Variants in GPBP1 observed in about 807,000 individuals in gnomAD.
GPBP1 encodes the protein vasculin.
GPBP1 carries 13 observed loss-of-function variants against 56.5 expected under a neutral mutation model. The observed-to-expected ratio is 0.23, with a 90% confidence interval of 0.15 to 0.37. GPBP1 has a LOEUF of 0.37. GPBP1 is among the 10% of genes least tolerant of loss of function. The pLI, the probability that GPBP1 is intolerant of heterozygous loss-of-function variation, is 1.00. For synonymous variants in GPBP1, 204 were observed against 188.9 expected (o/e 1.08, Z -0.66); for missense variants, 477 against 572.3 (o/e 0.83, Z 1.70).
At position 57,175,618 on chromosome 5, in the gene GPBP1, C is replaced by G; in HGVS notation, c.-840C>G. The G allele has an allele frequency of 2.5e-6, 1 of 396,948 alleles. No individual in the cohort carries two copies. 24.6% of individuals were successfully genotyped at this position (396,948 alleles called of 1,614,324 possible). A position where few individuals can be genotyped will look rare whatever the true frequency, so the allele number is the denominator to read the frequency against. The stretch of plus-strand genomic sequence containing the variant: ...AGTGAATTGATAGTAGTGAACAATT[C>G]AGCAAGCTACTTAAAAAGAGACCCA... On this transcript the variant is annotated 5_prime_UTR_variant, in exon 2 of 12. Transcript: ENST00000506184.
At chr5:57,198,696 A>G (rs1485312262) in intron 2 of GPBP1, among the ~76,000 whole-genome samples, 1 of 152,126 alleles carries the variant, frequency 6.6e-6, no homozygotes, top group African/African-American at 2.4e-5. Context: ...TAAAAATACA[A>G]ACATTAGCCG....
intron 2 of GPBP1, among the ~76,000 whole-genome samples, chr5:57,200,768 G>C (rs1028923259): frequency 1.3e-5 from 2 of 151,986 alleles, no homozygotes; most frequent in Non-Finnish European, 2.9e-5. Flanking sequence ...TGCAAGCTTC[G>C]CCTCCCGGGT....
intron 6 of GPBP1, among the ~76,000 whole-genome samples, chr5:57,241,580 G>GT (rs1740829054): frequency 6.6e-6 from 1 of 152,078 alleles, no homozygotes; most frequent in African/African-American, 2.4e-5. Flanking sequence ...AAATAAAAAG[G>GT]TCAGTTATTG....
intron 2 of GPBP1, among the ~76,000 whole-genome samples, chr5:57,185,968 C>G (rs1260638487): frequency 1.3e-5 from 2 of 150,862 alleles, no homozygotes; most frequent in African/African-American, 4.9e-5. Context: ...AAAAAAAAGG[C>G]AAAAAAATTG....
chr5:57,236,824 C>G (rs1756681775), intron 6 of GPBP1, among the ~76,000 whole-genome samples: 1 of 152,000 alleles, frequency 6.6e-6, no homozygotes, highest in South Asian at 2.1e-4. Flanking sequence ...AACACATGTT[C>G]ATTTGTATTT....
chr5:57,191,024 C>T (rs1322881137), intron 2 of GPBP1, among the ~76,000 whole-genome samples: 2 of 152,006 alleles, frequency 1.3e-5, no homozygotes, highest in African/African-American at 4.8e-5. Flanking sequence ...GATCTGCCCG[C>T]CTTGGCCTCC....
At chr5:57,176,946 CAT>C (rs1475594255) in intron 2 of GPBP1, among the ~76,000 whole-genome samples, 1 of 152,124 alleles carries the variant, frequency 6.6e-6, no homozygotes, top group African/African-American at 2.4e-5. Flanking sequence ...TTGTTCCTAA[CAT>C]ATTAATCCGT....
chr5:57,211,269 C>T (rs978940999), intron 2 of GPBP1, among the ~76,000 whole-genome samples: 1 of 151,962 alleles, frequency 6.6e-6, no homozygotes, highest in African/African-American at 2.4e-5. Flanking sequence ...TCACTGCAGC[C>T]TCAAACTTCT....
chr5:57,253,095 C>G (rs1741470203), intron 10 of GPBP1, among the ~76,000 whole-genome samples: 1 of 152,134 alleles, frequency 6.6e-6, no homozygotes, highest in Admixed American at 6.5e-5. Flanking sequence ...GTGGTTTAGT[C>G]TTAGAATTGA....
chr5:57,224,676 A>G (rs1207341331), intron 3 of GPBP1, among the ~76,000 whole-genome samples: 2 of 152,064 alleles, frequency 1.3e-5, no homozygotes, highest in Admixed American at 6.5e-5. Flanking sequence ...TGGCCTCCCA[A>G]AGCACTGGGA....
chr5:57,225,402 G>A (rs1037643516), intron 3 of GPBP1, among the ~76,000 whole-genome samples: 1 of 149,802 alleles, frequency 6.7e-6, no homozygotes, highest in African/African-American at 2.5e-5. Flanking sequence ...GCTGAGGCAG[G>A]AGAATGGCAT....
chr5:57,229,011 C>G (rs1756320093), intron 3 of GPBP1, among the ~76,000 whole-genome samples: 1 of 151,976 alleles, frequency 6.6e-6, no homozygotes, highest in Non-Finnish European at 1.5e-5. Context: ...AGGTGGATCA[C>G]TTGAAGTCAG....
Position 57,237,057 on chromosome 5 carries a change from GTGAA to G in GPBP1, c.478+1028_478+1031del, listed in dbSNP as rs1435135080. On this transcript the variant is annotated intron_variant, in intron 6 of 11. Coordinates refer to ENST00000506184, the MANE Select transcript of GPBP1 (RefSeq NM_022913.4). ...GGTCAGACACTTTTGTTAGAACCATGTGAATGGCATTGTTTTTTCTGTATTGCAA... is the reference window on the plus strand; with the variant it reads ...GGTCAGACACTTTTGTTAGAACCATGTGGCATTGTTTTTTCTGTATTGCAA... 4 of 1,233,870 alleles carry G rather than the reference GTGAA, an allele frequency of 3.2e-6. No homozygotes were observed. The Admixed American group carries it at 7.9e-5, about 24-fold the overall frequency. The allele number at this position is 1,233,870 out of a possible 1,614,324, so 76.4% of individuals were successfully genotyped here.
intron 2 of GPBP1, among the ~76,000 whole-genome samples, chr5:57,199,983 C>G (rs547432167): frequency 6.3e-4 from 89 of 142,218 alleles, no homozygotes; most frequent in Middle Eastern, 3.8e-3. Flanking sequence ...GCTGGGATTA[C>G]AGGCGTGAGC....
intron 10 of GPBP1, among the ~76,000 whole-genome samples, chr5:57,254,569 C>T (rs1346634246): frequency 1.3e-5 from 2 of 151,780 alleles, no homozygotes; most frequent in Non-Finnish European, 2.9e-5. Context: ...GTGGTGCATG[C>T]GTGTAATCCG....
chr5:57,199,092 G>T (rs1045114691), intron 2 of GPBP1, among the ~76,000 whole-genome samples: 1 of 152,090 alleles, frequency 6.6e-6, no homozygotes, highest in East Asian at 1.9e-4. Context: ...CAATGGCGGG[G>T]TACACTTAGT....
intron 10 of GPBP1, among the ~76,000 whole-genome samples, chr5:57,258,556 CAT>C (rs1378724316): frequency 4.6e-5 from 7 of 152,208 alleles, no homozygotes; most frequent in Non-Finnish European, 1.0e-4. Context: ...GATTATGCAT[CAT>C]ATGTGCGGTT....
intron 9 of GPBP1, 122 bp from the exon 10 acceptor site, chr5:57,250,832 A>G: frequency 1.5e-6 from 1 of 672,660 alleles, no homozygotes; most frequent in East Asian, 3.0e-5. Flanking sequence ...GGGGTGAGCC[A>G]CTGCGCCTGG....
intron 2 of GPBP1, among the ~76,000 whole-genome samples, chr5:57,177,118 A>G (rs773018003): frequency 1.3e-5 from 2 of 152,176 alleles, no homozygotes; most frequent in Non-Finnish European, 2.9e-5. Flanking sequence ...AAATATGAGT[A>G]TACATTTTTT....
Sources: allele counts gnomAD v4.1 joint callset (sites outside exome capture counted in the v4.1 genomes callset), GRCh38; gene constraint gnomAD v4.1.1; transcripts MANE v1.5; gene names NCBI Gene and HGNC (gene_info 2026-07-23, HGNC 2026-07-21).